The following NCOR1 variants were observed in gnomAD, a reference collection of about 807,000 sequenced individuals.
NCOR1 encodes the protein nuclear receptor corepressor 1, also known as protein phosphatase 1, regulatory subunit 109.
A neutral mutation model predicts 288.1 loss-of-function variants in NCOR1; 63 were observed. That is an observed-to-expected ratio of 0.22 (90% CI 0.18 to 0.27). The LOEUF (loss-of-function observed/expected upper bound fraction) is 0.27, where lower values mean the gene tolerates loss of function less well. Ranked by LOEUF, NCOR1 falls within the 10% of genes least tolerant of loss-of-function variation. The pLI is 1.00. For synonymous variants in NCOR1, 1,007 were observed against 1,065.9 expected, an observed-to-expected ratio of 0.94 and a Z score of 1.08; for missense variants, 2,397 against 3,019.2, an observed-to-expected ratio of 0.79 and a Z score of 4.83.
At chr17:16,125,798 C>T (rs1278304047) in intron 15 of NCOR1, among the ~76,000 whole-genome samples, 10 of 150,692 alleles carry the variant, frequency 6.6e-5, no homozygotes, top group African/African-American at 2.4e-4. Context: ...AGAAGGTCAA[C>T]TATCACATGT....
rs114211714 is a variant in NCOR1 at position 16,115,178 on chromosome 17, G to A, written c.2055+2710C>T. Among the ~76,000 whole-genome samples the A allele has an allele frequency of 6.4e-3, 971 of 152,276 alleles. 18 individuals carry two copies. The highest frequency in any genetic ancestry group is 0.022 in the African/African-American group (903 of 41,552). ...CCAAGCTGTACCTTGGCCCCTTTCA[G>A]CCATGGCCAGAGCTGCTGGGGTGCA... On this transcript the variant is annotated intron_variant, in intron 18 of 45. Transcript: ENST00000268712.
intron 2 of NCOR1, among the ~76,000 whole-genome samples, chr17:16,188,770 A>ATTAC (rs2087371891): frequency 6.6e-6 from 1 of 152,078 alleles, no homozygotes; most frequent in African/African-American, 2.4e-5. Context: ...CACACTTGTA[A>ATTAC]TCCCAGCACT....
chr17:16,103,383 T>A (rs188565023), intron 19 of NCOR1, among the ~76,000 whole-genome samples: 1 of 152,372 alleles, frequency 6.6e-6, no homozygotes, highest in East Asian at 1.9e-4. Flanking sequence ...CTTCAGACCA[T>A]TCTTTACAAC....
intron 2 of NCOR1, among the ~76,000 whole-genome samples, chr17:16,192,394 G>T (rs1028154485): frequency 6.6e-6 from 1 of 152,124 alleles, no homozygotes; most frequent in African/African-American, 2.4e-5. Flanking sequence ...AGTGGCTCAC[G>T]CCTGTAATCC....
chr17:16,078,654 C>T lies in NCOR1; in HGVS notation c.3501+1310G>A, dbSNP rs557410123. Reference sequence around the variant, plus strand: ...GCAGTGGCACAATCTCAGCTCACTGCAACCTCCGCCTCCCAGGTTCAAGTG... The same window carrying T: ...GCAGTGGCACAATCTCAGCTCACTGTAACCTCCGCCTCCCAGGTTCAAGTG... On this transcript the variant is annotated intron_variant, in intron 26 of 45. Coordinates refer to ENST00000268712, the MANE Select transcript of NCOR1 (RefSeq NM_006311.4). 1.2e-3 allele frequency among the ~76,000 whole-genome samples: 176 copies of T among 152,212 alleles called. 1 individual carries two copies. The highest frequency in any genetic ancestry group is 4.0e-3 in the African/African-American group (168 of 41,526).
chr17:16,067,947 T>C lies in NCOR1; in HGVS notation c.4688A>G (p.His1563Arg). 2 of 1,614,188 alleles carry C rather than the reference T, an allele frequency of 1.2e-6. No individual in the cohort carries two copies. The highest frequency in any genetic ancestry group is 1.7e-6 in the Non-Finnish European group (2 of 1,180,016). ...GGCTGGATCCAAGTGCGTGGGCAGGTGGCTCCGATAAACCTCGCCTGCAGT... is the reference window on the plus strand; with the variant it reads ...GGCTGGATCCAAGTGCGTGGGCAGGCGGCTCCGATAAACCTCGCCTGCAGT... The part of the protein sequence containing the change: ...GSTAGEVYRS[H>R]LPTHLDPAMP... Residue 1563 changes from histidine to arginine, a missense_variant, in exon 32 of 46, where the codon CAC becomes CGC. By Grantham distance (29) the His-to-Arg change is conservative. Around this residue, in one of 11 missense-constraint regions of NCOR1, gnomAD observed 1,872 missense variants for 2,187.8 expected, o/e 0.86. Coordinates refer to ENST00000268712, the MANE Select transcript of NCOR1 (RefSeq NM_006311.4).
chr17:16,153,064 AAAGAGCTTTCT>A (rs909287898), intron 7 of NCOR1, among the ~76,000 whole-genome samples: 1 of 152,158 alleles, frequency 6.6e-6, no homozygotes, highest in Non-Finnish European at 1.5e-5. Flanking sequence ...AGTAACATTC[AAAGAGCTTTCT>A]AATTCTGTTC....
intron 10 of NCOR1, 139 bp downstream of exon 10, chr17:16,146,237 T>G: frequency 5.7e-6 from 4 of 704,956 alleles, no homozygotes; most frequent in Non-Finnish European, 8.9e-6. Flanking sequence ...CCCTCCACTA[T>G]TGTCCTATGA....
rs189209620 is a variant in NCOR1, at chr17:16,089,716, G to A, written c.3016+2147C>T. ...CTTCACATTCTATAAACTGTTCTAT[G>A]AGGTTAAATTTAAACCATTTTTGTC... On this transcript the variant is annotated intron_variant, in intron 22 of 45. Transcript: ENST00000268712. Among the ~76,000 whole-genome samples the A allele has an allele frequency of 1.9e-4, 29 of 152,128 alleles. No homozygotes were observed. In the East Asian group the frequency reaches 3.7e-3, roughly 19 times the overall value.
intron 19 of NCOR1, among the ~76,000 whole-genome samples, chr17:16,104,011 C>G (rs937729384): frequency 1.3e-5 from 2 of 152,204 alleles, no homozygotes; most frequent in East Asian, 1.9e-4. Flanking sequence ...CCCACCCCCC[C>G]AAAAAAGCCT....
intron 5 of NCOR1, among the ~76,000 whole-genome samples, chr17:16,160,087 C>G (rs1431568357): frequency 6.6e-6 from 1 of 152,066 alleles, no homozygotes; most frequent in Non-Finnish European, 1.5e-5. Flanking sequence ...CTGCCTTGGC[C>G]TCTCAAAGTG....
chr17:16,194,096 G>A (rs1233816612), intron 2 of NCOR1, among the ~76,000 whole-genome samples: 1 of 152,028 alleles, frequency 6.6e-6, no homozygotes. Context: ...AAAGAGAGAG[G>A]TCTTTATCTT....
intron 28 of NCOR1, 45 bp from the exon 29 acceptor site, chr17:16,072,273 T>C (rs748753065): frequency 2.1e-6 from 3 of 1,431,124 alleles, no homozygotes; most frequent in East Asian, 2.3e-5. Flanking sequence ...ATAATGTATA[T>C]GTCAACTCAC....
At chr17:16,041,959 A>AT (rs984056952) in intron 42 of NCOR1, among the ~76,000 whole-genome samples, 6 of 151,578 alleles carry the variant, frequency 4.0e-5, no homozygotes, top group African/African-American at 1.5e-4. Flanking sequence ...GATGGTCTTG[A>AT]TCTCCTGACC....
intron 1 of NCOR1, among the ~76,000 whole-genome samples, chr17:16,213,829 T>C (rs2092348045): frequency 1.3e-5 from 2 of 152,212 alleles, no homozygotes; most frequent in South Asian, 4.1e-4. Flanking sequence ...ATCAAGATAC[T>C]TTGTATTATA....
Position 16,029,471 on chromosome 17 carries a change from A to G in NCOR1, c.*2825T>C. 3.6e-6 allele frequency: 1 copy of G among 277,108 alleles called. No individual in the cohort carries two copies. The highest frequency in any genetic ancestry group is 7.1e-6 in the Non-Finnish European group (1 of 140,474). The allele number at this position is 277,108 out of a possible 1,614,324, so 17.2% of individuals were successfully genotyped here. A position where few individuals can be genotyped will look rare whatever the true frequency, so the allele number is the denominator to read the frequency against. ...TAGAATCACTCAGTGTACCAAAATT[A>G]AAAGCATTATGAAATTTGCAGTCAT... On this transcript the variant is annotated 3_prime_UTR_variant, in exon 46 of 46. Coordinates refer to ENST00000268712, the MANE Select transcript of NCOR1 (RefSeq NM_006311.4).
chr17:16,067,184 C>T (rs994983100), intron 32 of NCOR1, among the ~76,000 whole-genome samples: 8 of 152,374 alleles, frequency 5.3e-5, no homozygotes, highest in Admixed American at 5.2e-4. Flanking sequence ...TAGAAACCTG[C>T]ACATCTGCAC....
intron 14 of NCOR1, among the ~76,000 whole-genome samples, chr17:16,127,338 CAT>C (rs2074484050): frequency 2.2e-4 from 8 of 36,226 alleles, no homozygotes; most frequent in African/African-American, 5.9e-4. Flanking sequence ...TGTATATATA[CAT>C]GTATGTATAT....
At chr17:16,100,885 G>A (rs1366269068) in intron 20 of NCOR1, among the ~76,000 whole-genome samples, 1 of 152,198 alleles carries the variant, frequency 6.6e-6, no homozygotes, top group East Asian at 1.9e-4. Context: ...AGAGAAGCGG[G>A]AGTGCCTCAA....
Sources: allele counts gnomAD v4.1 joint callset (sites outside exome capture counted in the v4.1 genomes callset), GRCh38; gene constraint gnomAD v4.1.1; regional missense constraint gnomAD v4.1.1; transcripts MANE v1.5; gene names NCBI Gene and HGNC (gene_info 2026-07-23, HGNC 2026-07-21).